The following ADAMTS20 variants were observed in gnomAD, a reference collection of about 807,000 sequenced individuals.
ADAMTS20 encodes ADAM metallopeptidase with thrombospondin type 1 motif 20.
Under a neutral mutation model 260.1 loss-of-function variants are expected in ADAMTS20, and 225 were observed. The ratio of observed to expected loss-of-function variants is 0.87; its 90% CI spans 0.78 to 0.97. ADAMTS20 has a LOEUF of 0.97. ADAMTS20 is among the 50% of genes least tolerant of loss of function. The pLI, the probability that ADAMTS20 is intolerant of heterozygous loss-of-function variation, is 0.00. For missense variants in ADAMTS20, 2,400 were observed against 2,337.7 expected (o/e 1.03, Z -0.55); for synonymous variants, 802 against 769.5 (o/e 1.04, Z -0.70).
intron 4 of ADAMTS20, among the ~76,000 whole-genome samples, chr12:43,501,497 A>C (rs759618895): frequency 6.6e-6 from 1 of 151,358 alleles, no homozygotes; most frequent in African/African-American, 2.4e-5. Context: ...ACACACACAC[A>C]CACACATGTA....
rs558511412 is a variant in ADAMTS20 at position 43,405,284 on chromosome 12, G to A, written c.4285-6051C>T. ...AAAATTAGCCAGGCATGGTGATGGT[G>A]ATGCACATCTGTGGTCCCAGCTACT... On this transcript the variant is annotated intron_variant, in intron 28 of 38. Coordinates refer to ENST00000389420, the MANE Select transcript of ADAMTS20 (RefSeq NM_025003.5). 5.0e-5 allele frequency among the ~76,000 whole-genome samples: 7 copies of A among 141,224 alleles called. No individual in the cohort carries two copies. The East Asian group carries it at 1.3e-3, about 26-fold the overall frequency. The allele number at this position is 141,224 out of a possible 152,430, so 92.6% of individuals were successfully genotyped here.
chr12:43,406,590 C>T (rs1940924355), intron 28 of ADAMTS20, among the ~76,000 whole-genome samples: 1 of 151,966 alleles, frequency 6.6e-6, no homozygotes, highest in African/African-American at 2.4e-5. Context: ...CTGTATATGT[C>T]TTTCATTTTT....
chr12:43,511,970 T>A (rs535743673), intron 3 of ADAMTS20, among the ~76,000 whole-genome samples: 1 of 152,214 alleles, frequency 6.6e-6, no homozygotes, highest in Non-Finnish European at 1.5e-5. Flanking sequence ...CATTTTCTTA[T>A]GATTTAAATT....
At chr12:43,355,151 C>T (rs914627333) in intron 38 of ADAMTS20, among the ~76,000 whole-genome samples, 3 of 152,068 alleles carry the variant, frequency 2.0e-5, no homozygotes, top group Non-Finnish European at 2.9e-5. Flanking sequence ...GTTTTGAGAC[C>T]GGAAGCTTTT....
chr12:43,462,925 TG>T lies in ADAMTS20; in HGVS notation c.1583del (p.Pro528GlnfsTer19). On this transcript the variant is annotated frameshift_variant, in exon 11 of 39. Coordinates refer to ENST00000389420, the MANE Select transcript of ADAMTS20 (RefSeq NM_025003.5). LOFTEE classifies it high-confidence loss of function. ...CAGGACCGCAGTCTGTTCCATCTGC[TG>T]GTGGCACGTGTTGAGTGAAACAGCC... ...HKGCFTQHVP[P>X]ADGTDCGPGM... 1 of 1,608,904 alleles carries T rather than the reference TG, an allele frequency of 6.2e-7. No homozygotes were observed. The highest frequency in any genetic ancestry group is 8.5e-7 in the Non-Finnish European group (1 of 1,177,382).
At chr12:43,395,409 A>G (rs937141864) in intron 29 of ADAMTS20, among the ~76,000 whole-genome samples, 2 of 152,208 alleles carry the variant, frequency 1.3e-5, no homozygotes, top group African/African-American at 4.8e-5. Context: ...TTTTTGAAAT[A>G]TAGACAATAT....
intron 7 of ADAMTS20, among the ~76,000 whole-genome samples, chr12:43,482,372 A>G (rs879764910): frequency 6.6e-5 from 10 of 152,178 alleles, no homozygotes; most frequent in African/African-American, 2.4e-4. Flanking sequence ...CTCCATCTCC[A>G]TAGGGAAGGC....
At chr12:43,411,628 A>C (rs1941033825) in intron 28 of ADAMTS20, among the ~76,000 whole-genome samples, 1 of 152,160 alleles carries the variant, frequency 6.6e-6, no homozygotes, top group African/African-American at 2.4e-5. Flanking sequence ...TCAGCCTCCC[A>C]AAGTGCTGGG....
intron 7 of ADAMTS20, among the ~76,000 whole-genome samples, chr12:43,484,483 ACAAT>A (rs1439719333): frequency 6.6e-5 from 10 of 152,188 alleles, no homozygotes; most frequent in Non-Finnish European, 1.0e-4. Flanking sequence ...AAATAAAAAA[ACAAT>A]CAGAACTTCT....
chr12:43,424,955 A>T (rs992193588), intron 28 of ADAMTS20, among the ~76,000 whole-genome samples: 1 of 152,182 alleles, frequency 6.6e-6, no homozygotes, highest in Non-Finnish European at 1.5e-5. Flanking sequence ...TGGAGAAGAC[A>T]AAGTGTATGC....
At chr12:43,392,564 A>G (rs1381917020) in intron 29 of ADAMTS20, among the ~76,000 whole-genome samples, 1 of 152,150 alleles carries the variant, frequency 6.6e-6, no homozygotes, top group Non-Finnish European at 1.5e-5. Flanking sequence ...GAATAAAAGT[A>G]CAAAAGCATA....
chr12:43,483,460 A>G (rs1471790404), intron 7 of ADAMTS20, among the ~76,000 whole-genome samples: 1 of 152,094 alleles, frequency 6.6e-6, no homozygotes, highest in African/African-American at 2.4e-5. Context: ...AGAGAAGGGT[A>G]CTTCTCCCCC....
intron 37 of ADAMTS20, among the ~76,000 whole-genome samples, chr12:43,367,015 A>C (rs1479969211): frequency 6.6e-6 from 1 of 151,984 alleles, no homozygotes; most frequent in East Asian, 1.9e-4. Context: ...AAGAACAACA[A>C]AAATTTGAAT....
chr12:43,453,886 AG>A lies in ADAMTS20; in HGVS notation c.1760+20del, dbSNP rs1365786975. The A allele has an allele frequency of 6.4e-7, 1 of 1,571,902 alleles. No homozygotes were observed. The highest frequency in any genetic ancestry group is 1.9e-5 in the Admixed American group (1 of 53,448). ...GTGCCTTGAGATAATCTTAATTTAT[AG>A]TGACATAAAAAAGACATACTCAGGA... On this transcript the variant is annotated intron_variant, in intron 12 of 38. Transcript: ENST00000389420.
chr12:43,444,784 T>C (rs962484320), intron 15 of ADAMTS20, among the ~76,000 whole-genome samples: 1 of 152,188 alleles, frequency 6.6e-6, no homozygotes, highest in Admixed American at 6.5e-5. Context: ...ATTTTTCTCA[T>C]ACACTACCTT....
At chr12:43,431,578 A>T (rs879817168) in intron 21 of ADAMTS20, 82 bp from the exon 22 acceptor site, 1 of 1,484,990 alleles carries the variant, frequency 6.7e-7, no homozygotes, top group East Asian at 2.3e-5. Context: ...ATCAATTTGC[A>T]TATAGAAATA....
At chr12:43,528,346 A>G (rs1943170823) in intron 3 of ADAMTS20, among the ~76,000 whole-genome samples, 1 of 134,282 alleles carries the variant, frequency 7.4e-6, no homozygotes, top group Non-Finnish European at 1.6e-5. Flanking sequence ...GGCAATCCTA[A>G]GCAAAAAAAA....
chr12:43,445,714 T>C (rs112745781), intron 15 of ADAMTS20, among the ~76,000 whole-genome samples: 1,587 of 151,852 alleles, frequency 0.01, 23 homozygotes, highest in African/African-American at 0.035. Context: ...TAGATGGGCA[T>C]GGTGGTGAAC....
intron 3 of ADAMTS20, among the ~76,000 whole-genome samples, chr12:43,522,511 G>A (rs963186637): frequency 8.5e-5 from 13 of 152,146 alleles, no homozygotes; most frequent in African/African-American, 3.1e-4. Flanking sequence ...GAGATGAGAG[G>A]GACAGAGTGG....
Sources: gnomAD v4.1 joint callset for allele counts (sites outside exome capture counted in the v4.1 genomes callset) on GRCh38, gnomAD v4.1.1 for gene constraint, MANE v1.5 for transcripts, NCBI Gene and HGNC (gene_info 2026-07-23, HGNC 2026-07-21) for gene names.